The following SEM1 variants were observed in gnomAD, a reference collection of about 807,000 sequenced individuals.
The protein encoded by SEM1 is 26S proteasome complex subunit SEM1.
In SEM1, 3 loss-of-function variants were observed where a neutral mutation model predicts 12.7. The observed-to-expected ratio is 0.24, with a 90% CI of 0.11 to 0.61. The LOEUF is 0.61. Among genes scored for constraint, SEM1 ranks in the 20% least tolerant of loss-of-function variants. SEM1 has a pLI of 0.88. For synonymous variants in SEM1, 30 were observed against 27.8 expected (o/e 1.08, Z -0.25); for missense variants, 59 against 81.3 (o/e 0.73, Z 1.06).
chr7:96,702,040 C>A (rs1790288159), intron 1 of SEM1, among the ~76,000 whole-genome samples: 1 of 151,856 alleles, frequency 6.6e-6, no homozygotes, highest in Admixed American at 6.6e-5. Flanking sequence ...AATGTGGAGC[C>A]CAAGTTGGGC....
intron 2 of SEM1, among the ~76,000 whole-genome samples, chr7:96,683,677 T>C (rs1789683110): frequency 6.6e-6 from 1 of 152,188 alleles, no homozygotes; most frequent in South Asian, 2.1e-4. Flanking sequence ...GTGGCACATA[T>C]ACACCATGGA....
intron 2 of SEM1, among the ~76,000 whole-genome samples, chr7:96,555,224 C>T (rs1805443335): frequency 6.6e-6 from 1 of 151,758 alleles, no homozygotes; most frequent in South Asian, 2.1e-4. Flanking sequence ...TATTTCTTGC[C>T]TTCTGCTATC....
At chr7:96,497,371 A>G (rs2117248452), upstream of SEM1, among the ~76,000 whole-genome samples, 1 of 152,292 alleles carries the variant, frequency 6.6e-6, no homozygotes, top group Admixed American at 6.5e-5. Flanking sequence ...GTGGCTTTTC[A>G]TAAAGATTGG....
chr7:96,619,908 C>T (rs1005202953), downstream of SEM1, among the ~76,000 whole-genome samples: 13 of 152,118 alleles, frequency 8.5e-5, no homozygotes, highest in African/African-American at 2.9e-4. Context: ...TAGCATTAAA[C>T]TCTCAAAATG....
chr7:96,582,445 T>C (rs1164510147), intron 2 of SEM1, among the ~76,000 whole-genome samples: 2 of 150,760 alleles, frequency 1.3e-5, no homozygotes, highest in Non-Finnish European at 3.0e-5. Flanking sequence ...TTTTTGGTTG[T>C]GTCTCTGCCC....
intron 1 of SEM1, among the ~76,000 whole-genome samples, chr7:96,701,946 G>T: frequency 6.6e-6 from 1 of 152,060 alleles, no homozygotes; most frequent in Non-Finnish European, 1.5e-5. Context: ...TCCTGGAGAG[G>T]GGCAGCATGG....
At chr7:96,651,852 C>T (rs1385609835) in intron 2 of SEM1, among the ~76,000 whole-genome samples, 1 of 152,168 alleles carries the variant, frequency 6.6e-6, no homozygotes, top group African/African-American at 2.4e-5. Flanking sequence ...GGATTACAGA[C>T]ATGAGTCACC....
chr7:96,599,049 A>AGAGG (rs1045357486), intron 2 of SEM1, among the ~76,000 whole-genome samples: 6 of 152,058 alleles, frequency 3.9e-5, no homozygotes, highest in Admixed American at 6.6e-5. Flanking sequence ...CTAGAGGGGC[A>AGAGG]GAGGGAGGGA....
intron 2 of SEM1, among the ~76,000 whole-genome samples, chr7:96,552,291 C>T (rs1805306892): frequency 1.3e-5 from 2 of 152,064 alleles, no homozygotes; most frequent in African/African-American, 4.8e-5. Flanking sequence ...GCTGCACCCA[C>T]TAACTCGTCA....
At chr7:96,588,732 C>G (rs915671666) in intron 2 of SEM1, among the ~76,000 whole-genome samples, 3 of 152,048 alleles carry the variant, frequency 2.0e-5, no homozygotes, top group Non-Finnish European at 4.4e-5. Context: ...CACCACTGCA[C>G]TCCAGCTTGG....
downstream of SEM1, among the ~76,000 whole-genome samples, chr7:96,684,723 T>C (rs1789713218): frequency 6.6e-6 from 1 of 152,056 alleles, no homozygotes; most frequent in Non-Finnish European, 1.5e-5. Flanking sequence ...AGAAGGATAA[T>C]GAAGGGTTCT....
chr7:96,701,067 T>C (rs1790258433), intron 1 of SEM1, among the ~76,000 whole-genome samples: 1 of 152,094 alleles, frequency 6.6e-6, no homozygotes. Context: ...ACTAAATACA[T>C]GTCAGACACA....
intron 1 of SEM1, among the ~76,000 whole-genome samples, chr7:96,698,244 T>C (rs1033034690): frequency 6.6e-6 from 1 of 150,940 alleles, no homozygotes; most frequent in Non-Finnish European, 1.5e-5. Flanking sequence ...TGGTTCTCTT[T>C]GTTGATTTGG....
chr7:96,490,078 T>C (rs1167170230), intron 1 of SEM1, among the ~76,000 whole-genome samples: 1 of 152,168 alleles, frequency 6.6e-6, no homozygotes, highest in Non-Finnish European at 1.5e-5. Flanking sequence ...GATCCATGTG[T>C]GTCCAACTGC....
At chr7:96,543,063 G>A (rs914107526) in intron 2 of SEM1, among the ~76,000 whole-genome samples, 84 of 151,890 alleles carry the variant, frequency 5.5e-4, no homozygotes, top group African/African-American at 2.0e-3. Flanking sequence ...AGGTGGAGAG[G>A]TGGGAGTGGA....
chr7:96,564,375 C>T (rs1272772646), intron 2 of SEM1, among the ~76,000 whole-genome samples: 1 of 151,648 alleles, frequency 6.6e-6, no homozygotes, highest in Non-Finnish European at 1.5e-5. Context: ...ATTTAGCAAG[C>T]TGAAAACGTA....
At chr7:96,574,889 C>A (rs1806156401) in intron 2 of SEM1, among the ~76,000 whole-genome samples, 1 of 152,132 alleles carries the variant, frequency 6.6e-6, no homozygotes, top group Non-Finnish European at 1.5e-5. Flanking sequence ...TTCTTAGCTT[C>A]TTTGCGTTGG....
At chr7:96,679,933 G>A (rs910848477) in intron 2 of SEM1, among the ~76,000 whole-genome samples, 3 of 152,018 alleles carry the variant, frequency 2.0e-5, no homozygotes, top group Admixed American at 6.6e-5. Flanking sequence ...CCACTTCCAC[G>A]CAGGAAAGCT....
At chr7:96,665,216 C>G (rs1789138520) in intron 2 of SEM1, among the ~76,000 whole-genome samples, 1 of 152,170 alleles carries the variant, frequency 6.6e-6, no homozygotes, top group African/African-American at 2.4e-5. Flanking sequence ...GGTTGGACAT[C>G]CCTCTAGCTT....
Sources: allele counts gnomAD v4.1 joint callset (sites outside exome capture counted in the v4.1 genomes callset), GRCh38; gene constraint gnomAD v4.1.1; transcripts MANE v1.5; gene names NCBI Gene and HGNC (gene_info 2026-07-23, HGNC 2026-07-21).